Variants in PLA2G6 observed in about 807,000 individuals in gnomAD.
PLA2G6 encodes the protein phospholipase A2 group VI.
PLA2G6 carries 62 observed loss-of-function variants against 83.8 expected under a neutral mutation model. That is an observed-to-expected ratio of 0.74 (90% CI 0.60 to 0.91). The LOEUF (loss-of-function observed/expected upper bound fraction) is 0.91, where lower values mean the gene tolerates loss of function less well. Ranked by LOEUF, PLA2G6 falls within the 40% of genes least tolerant of loss-of-function variation. PLA2G6 has a pLI of 0.00. For synonymous variants in PLA2G6, 417 were observed against 449.8 expected (o/e 0.93, Z 0.92); for missense variants, 944 against 1,102.0 (o/e 0.86, Z 2.03).
chr22:38,115,736 A>G (rs1490180863), intron 13 of PLA2G6, 55 bp from the exon 14 acceptor site: 1 of 1,551,562 alleles, frequency 6.4e-7, no homozygotes, highest in African/African-American at 1.4e-5. Flanking sequence ...CATAAAACCC[A>G]TGCACTCCAG....
At position 38,132,972 on chromosome 22, in the gene PLA2G6, G is replaced by A. The variant is rs1251458061; in HGVS notation, c.936C>T (p.Ser312=). 6.4e-7 allele frequency: 1 copy of A among 1,566,238 alleles called. No individual in the cohort carries two copies. ...MLLKRGCNVN[S]TSSAGNTALH... is the part of the protein sequence containing the mutation. ...GGGCCGTGTTCCCCGCGGAGCTGGTGCTGTTCACGTTGCAGCCCCGTTTCA... is the reference window on the plus strand; with the variant it reads ...GGGCCGTGTTCCCCGCGGAGCTGGTACTGTTCACGTTGCAGCCCCGTTTCA... Residue 312 remains serine, a synonymous_variant, in exon 7 of 17, where the codon AGC becomes AGT. Coordinates refer to ENST00000332509, the MANE Select transcript of PLA2G6 (RefSeq NM_003560.4). The surrounding 1 kb of genome is among the most constrained non-coding windows in gnomAD (Gnocchi z 5.0).
rs1043672940 is a variant in PLA2G6, at chr22:38,174,053, A to AAAAAC, written c.-45-4587_-45-4583dup. On this transcript the variant is annotated intron_variant, in intron 1 of 16. Coordinates refer to ENST00000332509, the MANE Select transcript of PLA2G6 (RefSeq NM_003560.4). ...GGGAGACAGAGCAAGACCCTGCCTC[A>AAAAAC]AAAACAAAACAAAACAAAGGGCAAA... Among the ~76,000 whole-genome samples the AAAAAC allele has an allele frequency of 4.5e-4, 68 of 152,108 alleles. 1 individual carries two copies. The highest frequency in any genetic ancestry group is 1.5e-3 in the African/African-American group (62 of 41,436).
intron 14 of PLA2G6, chr22:38,113,960 G>A (rs774094345): frequency 4.2e-6 from 2 of 472,164 alleles, no homozygotes; most frequent in Admixed American, 2.8e-5. Context: ...AAGTCAAGTC[G>A]TGGCCAGGGG....
In PLA2G6 at chr22:38,115,584, G is replaced by T. The variant is rs201727354; in HGVS notation, c.1977C>A (p.Asn659Lys). 3 of 1,613,420 alleles carry T rather than the reference G, an allele frequency of 1.9e-6. No homozygotes were observed. Among genetic ancestry groups the T allele is most frequent in the Non-Finnish European group, 2.5e-6 (3 of 1,179,876 alleles). The change falls in exon 14 of 17, where the codon AAC (asparagine) becomes AAA (lysine). Residue 659 changes from asparagine (N) to lysine (K), a missense_variant. Asn to Lys is a moderately conservative substitution (Grantham distance 94). Coordinates refer to ENST00000332509, the MANE Select transcript of PLA2G6 (RefSeq NM_003560.4). Reference sequence around the variant, plus strand: ...TCTCGGTCATGGCATCCAGCGTGGGGTTGTTGGCCAGCAGCCCACCGTCCA... The same window carrying T: ...TCTCGGTCATGGCATCCAGCGTGGGTTTGTTGGCCAGCAGCCCACCGTCCA... ...RFLDGGLLANNPTLDAMTEIH... is the reference protein window; with the variant it reads ...RFLDGGLLANKPTLDAMTEIH...
intron 9 of PLA2G6, chr22:38,127,255 A>T: frequency 8.2e-7 from 1 of 1,226,818 alleles, no homozygotes; most frequent in Non-Finnish European, 1.1e-6. Flanking sequence ...TGAACAAGGG[A>T]AGCAGAAGAG....
intron 1 of PLA2G6, among the ~76,000 whole-genome samples, chr22:38,175,813 G>A (rs1023799478): frequency 1.3e-5 from 2 of 152,088 alleles, no homozygotes; most frequent in Non-Finnish European, 2.9e-5. Flanking sequence ...CACCCAACCC[G>A]CTTTGATTTG....
intron 1 of PLA2G6, among the ~76,000 whole-genome samples, chr22:38,179,782 A>G (rs1184434277): frequency 1.3e-5 from 2 of 152,106 alleles, no homozygotes; most frequent in Non-Finnish European, 2.9e-5. Flanking sequence ...CAAAAAATAA[A>G]TAAATCAATA....
chr22:38,143,711 C>T (rs557164495), intron 3 of PLA2G6: 22 of 319,192 alleles, frequency 6.9e-5, no homozygotes, highest in Non-Finnish European at 1.2e-4. Context: ...TCCAAAAGCA[C>T]GCCTGGAAAC....
In PLA2G6 at chr22:38,123,939, G is replaced by A. The variant is rs956764105; in HGVS notation, c.1428-681C>T. Among the ~76,000 whole-genome samples, 3 of 152,044 alleles carry A rather than the reference G, an allele frequency of 2.0e-5. No homozygotes were observed. The highest frequency in any genetic ancestry group is 7.2e-5 in the African/African-American group (3 of 41,394). ...CAACCTCTGCCTCCCGGGTTCAAAC[G>A]ATTCTCCTGCCTCAACCTCCCGAGT... On this transcript the variant is annotated intron_variant, in intron 10 of 16. Coordinates refer to ENST00000332509, the MANE Select transcript of PLA2G6 (RefSeq NM_003560.4). This position sits in a 1 kb window ranked among gnomAD's most constrained non-coding sequence, Gnocchi z 4.1.
chr22:38,164,454 T>C (rs2090139803), intron 2 of PLA2G6, among the ~76,000 whole-genome samples: 1 of 152,194 alleles, frequency 6.6e-6, no homozygotes, highest in Non-Finnish European at 1.5e-5. Flanking sequence ...GAGGATAACA[T>C]GAGTTACTAC....
intron 14 of PLA2G6, among the ~76,000 whole-genome samples, chr22:38,114,864 T>A (rs913249810): frequency 2.0e-5 from 3 of 152,168 alleles, no homozygotes; most frequent in African/African-American, 7.2e-5. Context: ...GTAGCTGCAG[T>A]GAGTGCAGGC....
At chr22:38,143,769 G>A in intron 3 of PLA2G6, 1 of 293,774 alleles carries the variant, frequency 3.4e-6, no homozygotes, top group East Asian at 8.3e-5. Flanking sequence ...TTGAGGTGGA[G>A]TTTCACTCTT....
Position 38,128,093 on chromosome 22 carries a change from A to G in PLA2G6, c.1348+176T>C. On this transcript the variant is annotated intron_variant, in intron 9 of 16. Transcript: ENST00000332509. This position sits in a 1 kb window ranked among gnomAD's most constrained non-coding sequence, Gnocchi z 4.4. Reference sequence around the variant, plus strand: ...ATGGGACATCAGCCAGGGACACCCTAGGCCTCTGGGATCTGTGGGTTGCTG... The same window carrying G: ...ATGGGACATCAGCCAGGGACACCCTGGGCCTCTGGGATCTGTGGGTTGCTG... 1.5e-6 allele frequency: 1 copy of G among 646,616 alleles called. No homozygotes were observed. The highest frequency in any genetic ancestry group is 4.2e-4 in the Middle Eastern group (1 of 2,366). The allele number at this position is 646,616 out of a possible 1,614,324, so 40.1% of individuals were successfully genotyped here. A position where few individuals can be genotyped will look rare whatever the true frequency, so the allele number is the denominator to read the frequency against.
At chr22:38,162,984 C>G (rs1446284417) in intron 2 of PLA2G6, among the ~76,000 whole-genome samples, 1 of 152,180 alleles carries the variant, frequency 6.6e-6, no homozygotes, top group Non-Finnish European at 1.5e-5. Flanking sequence ...GCCACCTGGC[C>G]TCCACTCAGA....
chr22:38,143,064 G>T (rs749444828), intron 4 of PLA2G6, 41 bp downstream of exon 4: 25 of 1,583,222 alleles, frequency 1.6e-5, no homozygotes, highest in Non-Finnish European at 2.2e-5. Context: ...TGGACACCGG[G>T]AGGTATCAGT....
At chr22:38,157,027 G>A (rs1216796532) in intron 2 of PLA2G6, among the ~76,000 whole-genome samples, 1 of 152,008 alleles carries the variant, frequency 6.6e-6, no homozygotes, top group East Asian at 1.9e-4. Flanking sequence ...CAAGTAAGTA[G>A]AAAAACTTCA....
chr22:38,113,605 G>C lies in PLA2G6; in HGVS notation c.2084C>G (p.Thr695Arg). 1.9e-6 allele frequency: 3 copies of C among 1,613,912 alleles called. No individual in the cohort carries two copies. Among genetic ancestry groups the C allele is most frequent in the Non-Finnish European group, 2.5e-6 (3 of 1,179,930 alleles). The change falls in exon 15 of 17, where the codon ACA becomes AGA. Residue 695 changes from threonine to arginine, a missense_variant. Thr to Arg is a moderately conservative substitution (Grantham distance 71, BLOSUM62 -1). Coordinates refer to ENST00000332509, the MANE Select transcript of PLA2G6 (RefSeq NM_003560.4). Reference protein sequence around the residue: ...KKLSIVVSLGTGRSPQVPVTC... With the variant: ...KKLSIVVSLGRGRSPQVPVTC... ...CACAGGCACTTGTGGGGACCTCCCTGTCCCCAGGGAGACAACGATGGAGAG... is the reference window on the plus strand; with the variant it reads ...CACAGGCACTTGTGGGGACCTCCCTCTCCCCAGGGAGACAACGATGGAGAG...
intron 1 of PLA2G6, among the ~76,000 whole-genome samples, chr22:38,174,931 C>A (rs1256975972): frequency 6.6e-6 from 1 of 152,124 alleles, no homozygotes; most frequent in Admixed American, 6.5e-5. Flanking sequence ...GGAAGAAGTG[C>A]AGTAGAGGAC....
Position 38,133,017 on chromosome 22 carries a change from CG to C in PLA2G6, c.895-5del. 1 of 1,559,028 alleles carries C rather than the reference CG, an allele frequency of 6.4e-7. No individual in the cohort carries two copies. Among genetic ancestry groups the C allele is most frequent in the Non-Finnish European group, 8.7e-7 (1 of 1,153,450 alleles). On this transcript the variant is annotated splice_region_variant and splice_polypyrimidine_tract_variant and intron_variant, in intron 6 of 16. Coordinates refer to ENST00000332509, the MANE Select transcript of PLA2G6 (RefSeq NM_003560.4). ...GTTTCAGCAGCATGCGGGCCATCTG[CG>C]GGAGACGGTCAGGCTGAGTTAGCAC...
Sources: allele counts gnomAD v4.1 joint callset (sites outside exome capture counted in the v4.1 genomes callset), GRCh38; gene constraint gnomAD v4.1.1; non-coding constraint Gnocchi (gnomAD v3.1); transcripts MANE v1.5; gene names NCBI Gene and HGNC (gene_info 2026-07-23, HGNC 2026-07-21).